SLC25A27: variants seen among roughly 807,000 people sequenced by gnomAD.
SLC25A27 encodes the protein mitochondrial uncoupling protein 4.
SLC25A27 carries 35 observed loss-of-function variants against 49.1 expected under a neutral mutation model. The ratio of observed to expected loss-of-function variants is 0.71; its 90% confidence interval spans 0.54 to 0.95. SLC25A27 has a LOEUF of 0.95. SLC25A27 is among the 40% of genes least tolerant of loss of function. The probability of loss-of-function intolerance (pLI) is 0.00; values close to 1 mark genes in which losing one functional copy is unlikely to be tolerated. For missense variants in SLC25A27, 339 were observed against 397.1 expected, an observed-to-expected ratio of 0.85 and a Z score of 1.24; for synonymous variants, 144 against 136.9, an observed-to-expected ratio of 1.05 and a Z score of -0.36.
intron 7 of SLC25A27, 131 bp downstream of exon 7, chr6:46,670,358 T>G: frequency 1.6e-6 from 1 of 630,220 alleles, no homozygotes; most frequent in Non-Finnish European, 2.8e-6. Context: ...AGCGCATTTT[T>G]TTTATGCAAT....
At chr6:46,656,699 G>A (rs1488267486) in intron 2 of SLC25A27, among the ~76,000 whole-genome samples, 3 of 152,114 alleles carry the variant, frequency 2.0e-5, no homozygotes, top group Non-Finnish European at 2.9e-5. Flanking sequence ...GATTACAGGC[G>A]TGAGCCGCCG....
At chr6:46,667,639 C>T (rs1488358735) in intron 5 of SLC25A27, among the ~76,000 whole-genome samples, 1 of 152,160 alleles carries the variant, frequency 6.6e-6, no homozygotes, top group African/African-American at 2.4e-5. Context: ...TAGCTATCTA[C>T]AGGGTTGTTT....
At chr6:46,656,140 C>G (rs909352410) in intron 2 of SLC25A27, 106 bp downstream of exon 2, 3 of 868,934 alleles carry the variant, frequency 3.5e-6, no homozygotes, top group East Asian at 5.2e-5. Flanking sequence ...CTTACTGATA[C>G]AATAACTGAA....
chr6:46,662,519 A>T (rs762455627), intron 4 of SLC25A27, 21 bp downstream of exon 4: 1 of 1,611,852 alleles, frequency 6.2e-7, no homozygotes, highest in South Asian at 1.1e-5. Flanking sequence ...CAATTAACCA[A>T]TACCTCTCTT....
chr6:46,653,221 T>C lies in SLC25A27; in HGVS notation c.29T>C (p.Leu10Pro). 6.2e-7 allele frequency: 1 copy of C among 1,613,632 alleles called. No homozygotes were observed. The highest frequency in any genetic ancestry group is 8.5e-7 in the Non-Finnish European group (1 of 1,179,736). ...TCCGTCCCGGAGGAGGAGGAGAGGC[T>C]TTTGCCGCTGACCCAGAGATGGCCC... Reference protein sequence around the residue: MSVPEEEERLLPLTQRWPRA... With the variant: MSVPEEEERPLPLTQRWPRA... Residue 10 changes from leucine to proline, a missense_variant, in exon 1 of 9, where the codon CTT becomes CCT. Coordinates refer to ENST00000371347, the MANE Select transcript of SLC25A27 (RefSeq NM_004277.5).
chr6:46,669,216 T>C (rs1038924121), intron 6 of SLC25A27, among the ~76,000 whole-genome samples: 4 of 152,024 alleles, frequency 2.6e-5, no homozygotes, highest in African/African-American at 9.7e-5. Flanking sequence ...CTACAGGAAA[T>C]GCTAAAAGGA....
At chr6:46,670,462 A>T in intron 7 of SLC25A27, 1 of 440,906 alleles carries the variant, frequency 2.3e-6, no homozygotes, top group Non-Finnish European at 4.0e-6. Context: ...TTATGACTTT[A>T]TTGTTTTTAA....
At position 46,670,119 on chromosome 6, in the gene SLC25A27, T is replaced by A; in HGVS notation, c.705-16T>A. The A allele has an allele frequency of 6.4e-7, 1 of 1,557,572 alleles. No individual in the cohort carries two copies. The highest frequency in any genetic ancestry group is 2.3e-5 in the East Asian group (1 of 44,180). On this transcript the variant is annotated splice_polypyrimidine_tract_variant and intron_variant, in intron 6 of 8. Transcript: ENST00000371347. Reference sequence around the variant, plus strand: ...ACTACATACCATCTTTCAATTTCATTTATTTGTATTTATAGTTTATGTTCT... The same window carrying A: ...ACTACATACCATCTTTCAATTTCATATATTTGTATTTATAGTTTATGTTCT...
At chr6:46,675,775 A>T (rs1582522836) in intron 8 of SLC25A27, among the ~76,000 whole-genome samples, 1 of 152,094 alleles carries the variant, frequency 6.6e-6, no homozygotes, top group Non-Finnish European at 1.5e-5. Context: ...ATTCCTTTAG[A>T]TGTAGCCATA....
At position 46,664,816 on chromosome 6, in the gene SLC25A27, A is replaced by T; in HGVS notation, c.549A>T (p.Glu183Asp). The change falls in exon 5 of 9, where the codon GAA becomes GAT. Residue 183 changes from glutamate to aspartate, a missense_variant. Coordinates refer to ENST00000371347, the MANE Select transcript of SLC25A27 (RefSeq NM_004277.5). Reference protein sequence around the residue: ...VHHAFAKILAEGGIRGLWAGW... With the variant: ...VHHAFAKILADGGIRGLWAGW... ...ATGCATTTGCAAAAATCTTAGCTGA[A>T]GGAGGAATACGAGGGCTTTGGGCAG... 6.2e-7 allele frequency: 1 copy of T among 1,610,024 alleles called. No homozygotes were observed.
intron 2 of SLC25A27, 59 bp downstream of exon 2, chr6:46,656,093 C>G: frequency 1.4e-6 from 2 of 1,420,166 alleles, no homozygotes; most frequent in South Asian, 2.7e-5. Flanking sequence ...GTCTCCTGTG[C>G]TTTTCTGTTT....
intron 8 of SLC25A27, 85 bp downstream of exon 8, chr6:46,671,313 G>T: frequency 1.3e-6 from 1 of 754,662 alleles, no homozygotes; most frequent in Admixed American, 3.3e-5. Flanking sequence ...TTCTCTTCTG[G>T]TTTGAAGCAT....
chr6:46,663,552 C>T (rs1763232791), intron 4 of SLC25A27, among the ~76,000 whole-genome samples: 1 of 152,190 alleles, frequency 6.6e-6, no homozygotes, highest in Admixed American at 6.5e-5. Flanking sequence ...AGGGAGAAGT[C>T]ACACTGCCTT....
intron 8 of SLC25A27, among the ~76,000 whole-genome samples, chr6:46,675,499 C>A (rs1562044212): frequency 6.6e-6 from 1 of 152,108 alleles, no homozygotes; most frequent in African/African-American, 2.4e-5. Flanking sequence ...ATAGCATGCT[C>A]AGTATTTCCA....
chr6:46,656,052 A>G lies in SLC25A27; in HGVS notation c.298+18A>G, dbSNP rs959970234. 8.2e-6 allele frequency: 13 copies of G among 1,587,688 alleles called. No individual in the cohort carries two copies. In the African/African-American group the frequency reaches 1.5e-4, roughly 18 times the overall value. On this transcript the variant is annotated intron_variant, in intron 2 of 8. Transcript: ENST00000371347. The stretch of plus-strand genomic sequence containing the variant: ...ACACGTAGGTATTTATCTTGATTCT[A>G]GCTGGTAAGTTTGTTATGAGTTCTG...
At chr6:46,661,151 T>C (rs1479897537) in intron 3 of SLC25A27, among the ~76,000 whole-genome samples, 1 of 152,212 alleles carries the variant, frequency 6.6e-6, no homozygotes, top group Non-Finnish European at 1.5e-5. Flanking sequence ...AGAGTGGTTA[T>C]GAGAGATGCA....
Position 46,662,380 on chromosome 6 carries a change from T to C in SLC25A27, c.388T>C (p.Ser130Pro). The change falls in exon 4 of 9, where the codon TCA becomes CCA. Residue 130 changes from serine (S) to proline (P), a missense_variant. Transcript: ENST00000371347. Reference sequence around the variant, plus strand: ...AGAATTTCCTTCTGCAATTAGGAAATCAGTCATTGGAGGGATGATGGCTGG... The same window carrying C: ...AGAATTTCCTTCTGCAATTAGGAAACCAGTCATTGGAGGGATGATGGCTGG... Reference protein sequence around the residue: ...SEDEHYPLWKSVIGGMMAGVI... With the variant: ...SEDEHYPLWKPVIGGMMAGVI... 1.9e-6 allele frequency: 3 copies of C among 1,612,318 alleles called. No individual in the cohort carries two copies. Among genetic ancestry groups the C allele is most frequent in the Non-Finnish European group, 2.5e-6 (3 of 1,179,534 alleles).
intron 1 of SLC25A27, among the ~76,000 whole-genome samples, chr6:46,655,073 C>T (rs1057133582): frequency 6.6e-6 from 1 of 152,084 alleles, no homozygotes; most frequent in African/African-American, 2.4e-5. Flanking sequence ...AAACTTAAAA[C>T]CAAAAAATTT....
chr6:46,661,384 TG>T (rs201768719), intron 3 of SLC25A27, among the ~76,000 whole-genome samples: 2,451 of 152,334 alleles, frequency 0.016, 32 homozygotes, highest in Non-Finnish European at 0.025. Context: ...CTTAAAGTTA[TG>T]TTCGTTAAAT....
Sources: gnomAD v4.1 joint callset for allele counts (sites outside exome capture counted in the v4.1 genomes callset) on GRCh38, gnomAD v4.1.1 for gene constraint, MANE v1.5 for transcripts, NCBI Gene and HGNC (gene_info 2026-07-23, HGNC 2026-07-21) for gene names.